Variants in CDHR5 observed in about 807,000 individuals in gnomAD.
CDHR5 encodes cadherin-related family member 5.
A neutral mutation model predicts 69.5 loss-of-function variants in CDHR5; 82 were observed. The ratio of observed to expected loss-of-function variants is 1.18; its 90% confidence interval spans 0.99 to 1.42. CDHR5 has a LOEUF of 1.42. Ranked by LOEUF, CDHR5 falls within the 40% of genes most tolerant of loss-of-function variation. CDHR5 has a pLI of 0.00. For missense variants in CDHR5, 1,293 were observed against 1,168.9 expected (o/e 1.11, Z -1.55); for synonymous variants, 601 against 510.2 (o/e 1.18, Z -2.40).
At position 617,542 on chromosome 11, in the gene CDHR5, G is replaced by T. The variant is rs764278187; in HGVS notation, c.2347C>A (p.Arg783=). The T allele has an allele frequency of 6.2e-7, 1 of 1,612,316 alleles. No homozygotes were observed. Among genetic ancestry groups the T allele is most frequent in the Admixed American group, 1.7e-5 (1 of 59,992 alleles). Residue 783 remains arginine, a synonymous_variant, in exon 15 of 15, where the codon CGG becomes AGG. Coordinates refer to ENST00000397542, the MANE Select transcript of CDHR5 (RefSeq NM_021924.5). ...AVRSILTKER[R]PEGGYKAVWF... is the part of the protein sequence containing the mutation. Reference sequence around the variant, plus strand: ...ACAGCCTTGTACCCGCCCTCCGGCCGCCGCTCCTTGGTCAGGATGGACCTC... The same window carrying T: ...ACAGCCTTGTACCCGCCCTCCGGCCTCCGCTCCTTGGTCAGGATGGACCTC...
In CDHR5 at chr11:624,946, G is replaced by T; in HGVS notation, c.-44C>A. 2 of 1,456,554 alleles carry T rather than the reference G, an allele frequency of 1.4e-6. No individual in the cohort carries two copies. Among genetic ancestry groups the T allele is most frequent in the Non-Finnish European group, 9.3e-7 (1 of 1,079,900 alleles). The allele number at this position is 1,456,554 out of a possible 1,614,324, so 90.2% of individuals were successfully genotyped here. A position where few individuals can be genotyped will look rare whatever the true frequency, so the allele number is the denominator to read the frequency against. ...GCAGGAGGGTCTGAGCGGGTCTGGC[G>T]TCTAGGACTGGCGCAGTTCCTACCT... On this transcript the variant is annotated 5_prime_UTR_variant, in exon 1 of 15. Coordinates refer to ENST00000397542, the MANE Select transcript of CDHR5 (RefSeq NM_021924.5). The surrounding 1 kb of genome is among the most constrained non-coding windows in gnomAD (Gnocchi z 5.3).
intron 7 of CDHR5, 69 bp from the exon 8 acceptor site, chr11:620,455 A>C: frequency 9.0e-7 from 1 of 1,112,672 alleles, no homozygotes; most frequent in Non-Finnish European, 1.3e-6. Context: ...GGCCCCTCTG[A>C]CTCCCCATCA....
In CDHR5 at chr11:616,976, C is replaced by CGTCTCATTAAAACA; in HGVS notation, c.*374_*375insTGTTTTAATGAGAC. 7.8e-6 allele frequency: 2 copies of CGTCTCATTAAAACA among 255,818 alleles called. No homozygotes were observed. Among genetic ancestry groups the CGTCTCATTAAAACA allele is most frequent in the South Asian group, 8.0e-5 (1 of 12,498 alleles). 15.8% of individuals were successfully genotyped at this position (255,818 alleles called of 1,614,324 possible). On this transcript the variant is annotated 3_prime_UTR_variant, in exon 15 of 15. Transcript: ENST00000397542. ...CGGGAGCGGGAGGTCTGAGATGAGC[C>CGTCTCATTAAAACA]GGGTGCCTGAGATCTCCGGTGCAGG...
chr11:618,075 A>G lies in CDHR5; in HGVS notation c.1997T>C (p.Val666Ala). The change falls in exon 14 of 15, where the codon GTG (valine) becomes GCG (alanine). Residue 666 changes from valine (V) to alanine (A), a missense_variant. Transcript: ENST00000397542. Reference sequence around the variant, plus strand: ...CACCCCGCCCAGGGCCGCCATATCCACCACCGAGAAGCGCTTGTCCTCCGA... The same window carrying G: ...CACCCCGCCCAGGGCCGCCATATCCGCCACCGAGAAGCGCTTGTCCTCCGA... ...GPSEDKRFSV[V>A]DMAALGGVLG... 6.2e-7 allele frequency: 1 copy of G among 1,612,174 alleles called. No homozygotes were observed. The highest frequency in any genetic ancestry group is 1.1e-5 in the South Asian group (1 of 91,028).
rs1002907586 is a variant in CDHR5 at position 618,261 on chromosome 11, G to A, written c.1961-150C>T. 7 of 727,550 alleles carry A rather than the reference G, an allele frequency of 9.6e-6. No individual in the cohort carries two copies. In the East Asian group the frequency reaches 1.9e-4, roughly 20 times the overall value. The allele number at this position is 727,550 out of a possible 1,614,324, so 45.1% of individuals were successfully genotyped here. On this transcript the variant is annotated intron_variant, in intron 13 of 14. Coordinates refer to ENST00000397542, the MANE Select transcript of CDHR5 (RefSeq NM_021924.5). ...TCAGGCTCTGCTGACCCTGGCTCAA[G>A]GGGCCTGTGTGTCCCATCGAGACCC...
Position 624,546 on chromosome 11 carries a change from G to A in CDHR5, c.261+11C>T. 2 of 1,604,834 alleles carry A rather than the reference G, an allele frequency of 1.2e-6. No individual in the cohort carries two copies. Among genetic ancestry groups the A allele is most frequent in the East Asian group, 2.2e-5 (1 of 44,732 alleles). Reference sequence around the variant, plus strand: ...CGGGACCCCCATATCCCGCCCGCCTGCCGCCCACACCTCGTAATCAGGAGT... The same window carrying A: ...CGGGACCCCCATATCCCGCCCGCCTACCGCCCACACCTCGTAATCAGGAGT... On this transcript the variant is annotated intron_variant, in intron 2 of 14. Coordinates refer to ENST00000397542, the MANE Select transcript of CDHR5 (RefSeq NM_021924.5). The surrounding 1 kb of genome is among the most constrained non-coding windows in gnomAD (Gnocchi z 5.3).
At position 619,875 on chromosome 11, in the gene CDHR5, G is replaced by T; in HGVS notation, c.985C>A (p.Gln329Lys). The stretch of plus-strand genomic sequence containing the variant: ...ACTGAGTAGCGGGCAAGGTCGGCCT[G>T]TTGGCCCTGGAGGCGGGGGAGGCAG... ...MTFLLLVKGQQADLARYSVTQ... is the reference protein window; with the variant it reads ...MTFLLLVKGQKADLARYSVTQ... Residue 329 changes from glutamine (Q) to lysine (K), a missense_variant, in exon 10 of 15, where the codon CAG (glutamine) becomes AAG (lysine). Physicochemically the swap from Gln to Lys is moderately conservative, Grantham distance 53 (BLOSUM62 1). Transcript: ENST00000397542. 1 of 1,544,008 alleles carries T rather than the reference G, an allele frequency of 6.5e-7. No homozygotes were observed. The highest frequency in any genetic ancestry group is 8.7e-7 in the Non-Finnish European group (1 of 1,148,188).
rs11607129 is a variant in CDHR5, at chr11:621,534, G to A, written c.507+28C>T. ...TGTGGGTGTCAGAGGCGAGGGGCTC[G>A]TGCTGGGGCAGGGTGGGCGGCACTG... On this transcript the variant is annotated intron_variant, in intron 5 of 14. Transcript: ENST00000397542. This position sits in a 1 kb window ranked among gnomAD's most constrained non-coding sequence, Gnocchi z 4.4. The A allele has an allele frequency of 3.6e-5, 57 of 1,595,218 alleles. No individual in the cohort carries two copies. The Middle Eastern group carries it at 8.3e-4, about 23-fold the overall frequency.
At position 617,250 on chromosome 11, in the gene CDHR5, C is replaced by T; in HGVS notation, c.*101G>A. On this transcript the variant is annotated 3_prime_UTR_variant, in exon 15 of 15. Coordinates refer to ENST00000397542, the MANE Select transcript of CDHR5 (RefSeq NM_021924.5). ...CCCGCGCGCCTGCCCCACGCCATGGCCTGGGTTTCGGGAGCCTTGCTTTAT... is the reference window on the plus strand; with the variant it reads ...CCCGCGCGCCTGCCCCACGCCATGGTCTGGGTTTCGGGAGCCTTGCTTTAT... The T allele has an allele frequency of 1.0e-6, 1 of 967,602 alleles. No individual in the cohort carries two copies. Among genetic ancestry groups the T allele is most frequent in the South Asian group, 1.6e-5 (1 of 62,336 alleles). 59.9% of individuals were successfully genotyped at this position (967,602 alleles called of 1,614,324 possible).
In CDHR5 at chr11:620,085, G is replaced by C. The variant is rs768558295; in HGVS notation, c.960C>G (p.Thr320=). 4.3e-6 allele frequency: 7 copies of C among 1,612,704 alleles called. No individual in the cohort carries two copies. The highest frequency in any genetic ancestry group is 3.3e-5 in the Admixed American group (2 of 59,906). The stretch of plus-strand genomic sequence containing the variant: ...ACCTCACCTTCACCAGCAGAAGGAA[G>C]GTCATGGGGCTGGGGACACTCCTGG... ...TVARSVPSPM[T]FLLLVKGQQA... Residue 320 remains threonine (T), a synonymous_variant, in exon 9 of 15, where the codon ACC becomes ACG. Transcript: ENST00000397542.
rs1376148591 is a variant in CDHR5 at position 621,603 on chromosome 11, T to A, written c.466A>T (p.Lys156Ter). Reference protein sequence around the residue: ...ETQLQAEDRDKDDILFYTLQE... With the variant: ...ETQLQAEDRD ...AGGGTGTAGAACAGAATGTCGTCCT[T>A]GTCGCGGTCCTCAGCCTGCAGTTGC... The change falls in exon 5 of 15, where the codon AAG (lysine) becomes TAG (stop). Residue 156 changes from lysine to a stop codon, truncating the protein, a stop_gained. Transcript: ENST00000397542. LOFTEE classifies it high-confidence loss of function. This position sits in a 1 kb window ranked among gnomAD's most constrained non-coding sequence, Gnocchi z 4.4. 6.2e-6 allele frequency: 10 copies of A among 1,613,672 alleles called. No homozygotes were observed. The highest frequency in any genetic ancestry group is 8.5e-6 in the Non-Finnish European group (10 of 1,179,848).
chr11:622,102 G>C (rs920950022), intron 3 of CDHR5, among the ~76,000 whole-genome samples, 198 bp from the exon 4 acceptor site: 1 of 147,676 alleles, frequency 6.8e-6, no homozygotes, highest in South Asian at 2.1e-4. Flanking sequence ...ACCCGTCCCC[G>C]CCGTGAGTGA....
chr11:617,605 G>A lies in CDHR5; in HGVS notation c.2284C>T (p.Pro762Ser). The change falls in exon 15 of 15, where the codon CCC becomes TCC. Residue 762 changes from proline (P) to serine (S), a missense_variant. Physicochemically the swap from Pro to Ser is moderately conservative, Grantham distance 74. Transcript: ENST00000397542. ...PASPGGAPEPPAAARAGGSPT... is the reference protein window; with the variant it reads ...PASPGGAPEPSAAARAGGSPT... ...CTTCCGCCAGCTCGGGCCGCTGCGG[G>A]GGGCTCAGGGGCACCGCCTGGGGAG... 1.9e-6 allele frequency: 3 copies of A among 1,602,974 alleles called. No individual in the cohort carries two copies. The highest frequency in any genetic ancestry group is 2.6e-6 in the Non-Finnish European group (3 of 1,175,118).
chr11:617,121 A>T lies in CDHR5; in HGVS notation c.*230T>A. ...GCAGGTGGTTTACGGGAAGTGCTGC[A>T]GCCTTGGGGTGGGGACAGCGTGGCC... On this transcript the variant is annotated 3_prime_UTR_variant, in exon 15 of 15. Transcript: ENST00000397542. 1 of 555,238 alleles carries T rather than the reference A, an allele frequency of 1.8e-6. No individual in the cohort carries two copies. The highest frequency in any genetic ancestry group is 3.2e-6 in the Non-Finnish European group (1 of 312,792). 34.4% of individuals were successfully genotyped at this position (555,238 alleles called of 1,614,324 possible).
In CDHR5 at chr11:624,728, G is replaced by A; in HGVS notation, c.90C>T (p.Cys30=). The change falls in exon 2 of 15, where the codon TGC becomes TGT. Residue 30 remains cysteine, a synonymous_variant. Transcript: ENST00000397542. This position sits in a 1 kb window ranked among gnomAD's most constrained non-coding sequence, Gnocchi z 5.3. ...CTTCAAAGATGTCCTTGTTCACAGAGCAGTCTGTAAGGTTGCAGAGGAGGG... is the reference window on the plus strand; with the variant it reads ...CTTCAAAGATGTCCTTGTTCACAGAACAGTCTGTAAGGTTGCAGAGGAGGG... ...PPGTMAQAQY[C]SVNKDIFEVE... 3 of 1,607,776 alleles carry A rather than the reference G, an allele frequency of 1.9e-6. 1 individual carries two copies. The South Asian group carries it at 3.3e-5, about 18-fold the overall frequency.
Position 618,883 on chromosome 11 carries a change from G to T in CDHR5, c.1676C>A (p.Thr559Asn). 2 of 1,611,150 alleles carry T rather than the reference G, an allele frequency of 1.2e-6. No homozygotes were observed. The highest frequency in any genetic ancestry group is 3.4e-5 in the Admixed American group (2 of 59,686). ...ACTGGGTGTGGCTGGTTGGTGGGAGGTGCTGGTTCCCACACCGGGGGGCAT... is the reference window on the plus strand; with the variant it reads ...ACTGGGTGTGGCTGGTTGGTGGGAGTTGCTGGTTCCCACACCGGGGGGCAT... The part of the protein sequence containing the change: ...QPMPPGVGTS[T>N]SHQPATPSGG... Residue 559 changes from threonine (T) to asparagine (N), a missense_variant, in exon 13 of 15, where the codon ACC becomes AAC. Transcript: ENST00000397542.
Position 617,549 on chromosome 11 carries a change from C to T in CDHR5, c.2340G>A (p.Lys780=), listed in dbSNP as rs749635188. The T allele has an allele frequency of 1.9e-6, 3 of 1,612,332 alleles. No homozygotes were observed. Among genetic ancestry groups the T allele is most frequent in the Admixed American group, 1.7e-5 (1 of 59,996 alleles). Residue 780 remains lysine (K), a synonymous_variant, in exon 15 of 15, where the codon AAG becomes AAA. Transcript: ENST00000397542. ...TGTACCCGCCCTCCGGCCGCCGCTC[C>T]TTGGTCAGGATGGACCTCACCGCCG... ...SPTAVRSILT[K]ERRPEGGYKA...
chr11:618,378 C>T (rs568745723), intron 13 of CDHR5, among the ~76,000 whole-genome samples: 153 of 152,322 alleles, frequency 1.0e-3, no homozygotes, highest in Non-Finnish European at 1.7e-3. Flanking sequence ...CCGTGGGAAT[C>T]GTGGGATTCG....
chr11:619,165 G>A lies in CDHR5; in HGVS notation c.1394C>T (p.Pro465Leu), dbSNP rs754020619. Reference protein sequence around the residue: ...EPPSTDVPPSPEAGGTTGPWT... With the variant: ...EPPSTDVPPSLEAGGTTGPWT... ...GGGCCCAGTTGTTCCTCCAGCCTCT[G>A]GGGATGGGGGGACATCTGGGGGCCG... is the stretch of plus-strand genomic sequence containing the variant. Residue 465 changes from proline (P) to leucine (L), a missense_variant, in exon 13 of 15, where the codon CCA becomes CTA. Physicochemically the swap from Pro to Leu is moderately conservative, Grantham distance 98 (BLOSUM62 -3). Coordinates refer to ENST00000397542, the MANE Select transcript of CDHR5 (RefSeq NM_021924.5). 1.3e-6 allele frequency: 2 copies of A among 1,545,952 alleles called. No individual in the cohort carries two copies. The highest frequency in any genetic ancestry group is 1.7e-6 in the Non-Finnish European group (2 of 1,147,646).
Sources: gnomAD v4.1 joint callset for allele counts (sites outside exome capture counted in the v4.1 genomes callset) on GRCh38, gnomAD v4.1.1 for gene constraint, Gnocchi (gnomAD v3.1) non-coding constraint, MANE v1.5 for transcripts, NCBI Gene and HGNC (gene_info 2026-07-23, HGNC 2026-07-21) for gene names.